Variants in CCM2 observed in about 807,000 individuals in gnomAD.
CCM2 encodes the protein CCM2 scaffold protein.
A neutral mutation model predicts 44.9 loss-of-function variants in CCM2; 25 were observed. That is an observed-to-expected ratio of 0.56 (90% CI 0.41 to 0.78). The LOEUF (loss-of-function observed/expected upper bound fraction) is 0.78, where lower values mean the gene tolerates loss of function less well. Ranked by LOEUF, CCM2 falls within the 30% of genes least tolerant of loss-of-function variation. CCM2 has a pLI of 0.00. For synonymous variants in CCM2, 219 were observed against 241.1 expected (o/e 0.91, Z 0.85); for missense variants, 481 against 580.6 (o/e 0.83, Z 1.76).
intron 5 of CCM2, among the ~76,000 whole-genome samples, chr7:45,069,065 T>G (rs1232953405): frequency 6.6e-6 from 1 of 152,266 alleles, no homozygotes; most frequent in Non-Finnish European, 1.5e-5. Context: ...AGCCAAGGGC[T>G]GGGCCCTTGT....
chr7:45,071,464 C>T (rs1285588043), intron 6 of CCM2: 15 of 266,198 alleles, frequency 5.6e-5, no homozygotes, highest in South Asian at 4.6e-4. Flanking sequence ...GATGTGCACA[C>T]GTTACGCACA....
Position 45,018,464 on chromosome 7 carries a change from CT to C in CCM2, c.30+18105del, listed in dbSNP as rs1159320011. Among the ~76,000 whole-genome samples, 6 of 151,956 alleles carry C rather than the reference CT, an allele frequency of 3.9e-5. No individual in the cohort carries two copies. The South Asian group carries it at 1.0e-3, about 26-fold the overall frequency. On this transcript the variant is annotated intron_variant, in intron 1 of 9. Coordinates refer to ENST00000258781, the MANE Select transcript of CCM2 (RefSeq NM_031443.4). The stretch of plus-strand genomic sequence containing the variant: ...CTCCACCTCCTGGGTTCAAGTGATT[CT>C]TTTGCCTTAGCCTCCTGGGTAGCTG...
chr7:45,039,049 G>A (rs1233917452), intron 2 of CCM2, among the ~76,000 whole-genome samples: 1 of 152,202 alleles, frequency 6.6e-6, no homozygotes, highest in Non-Finnish European at 1.5e-5. Context: ...ATGAGTTAGA[G>A]CTAATGCAGC....
chr7:45,054,474 T>C (rs1237155975), intron 2 of CCM2, among the ~76,000 whole-genome samples: 2 of 145,482 alleles, frequency 1.4e-5, no homozygotes, highest in Non-Finnish European at 3.0e-5. Context: ...GAGACTGATT[T>C]AGGATCAATA....
chr7:45,025,897 A>G (rs151175399), intron 1 of CCM2, among the ~76,000 whole-genome samples: 1 of 152,176 alleles, frequency 6.6e-6, no homozygotes, highest in East Asian at 1.9e-4. Context: ...AAGTGTCTCT[A>G]AGTATACTAG....
intron 1 of CCM2, among the ~76,000 whole-genome samples, chr7:45,034,258 CT>C (rs913121968): frequency 3.3e-5 from 5 of 151,908 alleles, no homozygotes; most frequent in Admixed American, 2.6e-4. Flanking sequence ...GTTGCCCAGG[CT>C]GGAGTGCAAT....
intron 6 of CCM2, chr7:45,071,801 C>T (rs1042123100): frequency 3.5e-5 from 16 of 456,642 alleles, no homozygotes; most frequent in Admixed American, 2.3e-4. Context: ...TGTCAGCTTC[C>T]TCTGCATTTC....
chr7:45,026,633 C>T (rs12535302), intron 1 of CCM2, among the ~76,000 whole-genome samples: 4,810 of 131,358 alleles, frequency 0.037, 163 homozygotes, highest in East Asian at 0.19. Context: ...GATGGAGTCT[C>T]ACTCTGTTAC....
intron 2 of CCM2, among the ~76,000 whole-genome samples, chr7:45,054,486 TAA>T (rs35483777): frequency 1.4e-5 from 2 of 147,344 alleles, no homozygotes; most frequent in African/African-American, 5.0e-5. Context: ...GGATCAATAT[TAA>T]AAAAAAAAAC....
At chr7:45,073,953 T>C in intron 8 of CCM2, 1 of 533,384 alleles carries the variant, frequency 1.9e-6, no homozygotes, top group Non-Finnish European at 3.4e-6. Context: ...GTGTGTAGCC[T>C]AAGGGCACAG....
At chr7:45,012,365 C>T (rs181132972) in intron 1 of CCM2, among the ~76,000 whole-genome samples, 205 of 151,840 alleles carry the variant, frequency 1.4e-3, no homozygotes, top group African/African-American at 4.7e-3. Flanking sequence ...AACTCCTGAC[C>T]TCAGGTGATC....
At chr7:45,042,520 A>C (rs1490579525) in intron 2 of CCM2, among the ~76,000 whole-genome samples, 2 of 149,724 alleles carry the variant, frequency 1.3e-5, no homozygotes, top group African/African-American at 5.1e-5. Flanking sequence ...ACAACAACAA[A>C]AAATCTTGAA....
At chr7:45,028,926 G>A (rs144487551) in intron 1 of CCM2, among the ~76,000 whole-genome samples, 118 of 152,284 alleles carry the variant, frequency 7.7e-4, no homozygotes, top group African/African-American at 2.4e-3. Context: ...GGGATTTGTC[G>A]TAGTGCCTCG....
At chr7:45,040,300 C>T (rs1198310279) in intron 2 of CCM2, among the ~76,000 whole-genome samples, 2 of 151,914 alleles carry the variant, frequency 1.3e-5, no homozygotes, top group Non-Finnish European at 1.5e-5. Flanking sequence ...AGGAGAATGG[C>T]GTGAACCCAG....
chr7:45,072,702 T>C (rs1323017282), intron 6 of CCM2, 24 bp from the exon 7 acceptor site: 1 of 1,596,728 alleles, frequency 6.3e-7, no homozygotes, highest in Non-Finnish European at 8.6e-7. Flanking sequence ...AAAGTCATCT[T>C]AGTTTTCTGC....
intron 2 of CCM2, among the ~76,000 whole-genome samples, chr7:45,053,780 T>C (rs943765669): frequency 6.6e-6 from 1 of 152,166 alleles, no homozygotes; most frequent in East Asian, 1.9e-4. Context: ...CCATGGTTGA[T>C]GGAATGCCAT....
At chr7:45,018,331 T>G (rs1242404031) in intron 1 of CCM2, among the ~76,000 whole-genome samples, 3 of 152,104 alleles carry the variant, frequency 2.0e-5, no homozygotes, top group Non-Finnish European at 4.4e-5. Flanking sequence ...CTAGGTTGAC[T>G]GTTTTCTTTC....
chr7:45,024,212 C>T (rs952096399), intron 1 of CCM2, among the ~76,000 whole-genome samples: 1 of 152,160 alleles, frequency 6.6e-6, no homozygotes, highest in Non-Finnish European at 1.5e-5. Flanking sequence ...GTCTCTTCAG[C>T]TGATTATAAT....
chr7:45,075,696 A>G (rs930808528), intron 9 of CCM2, 81 bp from the exon 10 acceptor site: 21 of 1,579,818 alleles, frequency 1.3e-5, no homozygotes, highest in Non-Finnish European at 6.1e-6. Context: ...TGGCCCTGTC[A>G]GGGGGCTTTG....
Sources: allele counts gnomAD v4.1 joint callset (sites outside exome capture counted in the v4.1 genomes callset), GRCh38; gene constraint gnomAD v4.1.1; transcripts MANE v1.5; gene names NCBI Gene and HGNC (gene_info 2026-07-23, HGNC 2026-07-21).